The following BICC1 variants were observed in gnomAD, a reference collection of about 807,000 sequenced individuals.
BICC1 encodes the protein BicC family RNA binding protein 1, also known as protein bicaudal C homolog 1.
A neutral mutation model predicts 111.0 loss-of-function variants in BICC1; 43 were observed. The ratio of observed to expected loss-of-function variants is 0.39; its 90% CI spans 0.30 to 0.50. The LOEUF is 0.50. Among genes scored for constraint, BICC1 ranks in the 20% least tolerant of loss-of-function variants. BICC1 has a pLI of 0.88. For synonymous variants in BICC1, 467 were observed against 434.4 expected (o/e 1.07, Z -0.93); for missense variants, 1,091 against 1,203.2 (o/e 0.91, Z 1.38).
chr10:58,687,097 G>C (rs541569304), intron 2 of BICC1, among the ~76,000 whole-genome samples: 1 of 152,296 alleles, frequency 6.6e-6, no homozygotes, highest in Admixed American at 6.5e-5. Flanking sequence ...CTTACAGTCA[G>C]GACCCTCAGC....
chr10:58,739,524 T>G (rs1246742418), intron 3 of BICC1, among the ~76,000 whole-genome samples: 1 of 110,726 alleles, frequency 9.0e-6, no homozygotes, highest in African/African-American at 3.5e-5. Context: ...GGAGCTGATT[T>G]TATAAAACTT....
At position 58,798,521 on chromosome 10, in the gene BICC1, TTATGGG is replaced by T; in HGVS notation, c.1490_1495del (p.Leu497_Ala499delinsSer). 6.2e-7 allele frequency: 1 copy of T among 1,611,842 alleles called. No homozygotes were observed. Among genetic ancestry groups the T allele is most frequent in the Non-Finnish European group, 8.5e-7 (1 of 1,179,104 alleles). On this transcript the variant is annotated inframe_deletion, in exon 11 of 21. Coordinates refer to ENST00000373886, the MANE Select transcript of BICC1 (RefSeq NM_001080512.3). ...AAGTTCTGGTACACCCAGCCCCACA[TTATGGG>T]CACCCCCACTTGCTAATACTTCAAG...
At chr10:58,562,591 A>C (rs1297532676) in intron 1 of BICC1, among the ~76,000 whole-genome samples, 1 of 152,014 alleles carries the variant, frequency 6.6e-6, no homozygotes, top group Non-Finnish European at 1.5e-5. Context: ...ATCATTTTGA[A>C]TTCCTTTTCA....
intron 20 of BICC1, among the ~76,000 whole-genome samples, chr10:58,825,911 A>T (rs1844380587): frequency 6.6e-6 from 1 of 152,100 alleles, no homozygotes; most frequent in South Asian, 2.1e-4. Flanking sequence ...GAATTGCTTG[A>T]TATGTACCAC....
intron 3 of BICC1, among the ~76,000 whole-genome samples, chr10:58,750,853 T>C (rs1487330177): frequency 1.3e-5 from 2 of 152,158 alleles, no homozygotes; most frequent in Admixed American, 1.3e-4. Flanking sequence ...CTTTACTCTC[T>C]TGAAGCCACG....
intron 1 of BICC1, among the ~76,000 whole-genome samples, chr10:58,542,032 T>C (rs908435125): frequency 1.3e-5 from 2 of 151,418 alleles, no homozygotes; most frequent in Admixed American, 1.3e-4. Flanking sequence ...GTGCCTTTGG[T>C]CCTAGCTAAT....
intron 2 of BICC1, among the ~76,000 whole-genome samples, chr10:58,693,096 T>C (rs1329624063): frequency 6.6e-6 from 1 of 151,960 alleles, no homozygotes; most frequent in African/African-American, 2.4e-5. Context: ...CACCTATGAG[T>C]GAGAACATGC....
Position 58,793,615 on chromosome 10 carries a change from G to A in BICC1, c.1179G>A (p.Lys393=). ...AACCAAAGCCCAAACAGCCAAGCAA[G>A]GTTGGTTCAGAGTCTGAATCCAGAG... The part of the protein sequence containing the change: ...SIKPKPKQPS[K]SVIVKSVERN... Residue 393 remains lysine (K), a splice_region_variant and synonymous_variant, in exon 9 of 21, where the codon AAG becomes AAA. Transcript: ENST00000373886. 2 of 1,613,414 alleles carry A rather than the reference G, an allele frequency of 1.2e-6. No homozygotes were observed. Among genetic ancestry groups the A allele is most frequent in the Non-Finnish European group, 1.7e-6 (2 of 1,179,760 alleles).
At position 58,592,875 on chromosome 10, in the gene BICC1, CAAAAAA is replaced by C. The variant is rs969508229; in HGVS notation, c.191-27957_191-27952del. Among the ~76,000 whole-genome samples, 151 of 46,666 alleles carry C rather than the reference CAAAAAA, an allele frequency of 3.2e-3. 1 individual carries two copies. The highest frequency in any genetic ancestry group is 0.012 in the African/African-American group (146 of 11,888). 30.6% of individuals were successfully genotyped at this position (46,666 alleles called of 152,430 possible). A position where few individuals can be genotyped will look rare whatever the true frequency, so the allele number is the denominator to read the frequency against. On this transcript the variant is annotated intron_variant, in intron 1 of 20. Transcript: ENST00000373886. ...CTGGCCACAGAGCAAGACTCCGTCT[CAAAAAA>C]AAAAAAAAAAAAAAAAAAAAAATCC... is the stretch of plus-strand genomic sequence containing the variant.
At chr10:58,632,606 T>C (rs1837829273) in intron 2 of BICC1, among the ~76,000 whole-genome samples, 1 of 152,064 alleles carries the variant, frequency 6.6e-6, no homozygotes, top group Non-Finnish European at 1.5e-5. Context: ...GGAATTTAAC[T>C]AGTATGTTGG....
chr10:58,699,931 A>G (rs548008963), intron 2 of BICC1, among the ~76,000 whole-genome samples: 5 of 152,242 alleles, frequency 3.3e-5, no homozygotes, highest in South Asian at 2.1e-4. Flanking sequence ...GCCTCAAGCA[A>G]TCCTCCTGCC....
chr10:58,518,364 T>C (rs1842297338), intron 1 of BICC1, among the ~76,000 whole-genome samples: 1 of 152,096 alleles, frequency 6.6e-6, no homozygotes. Context: ...ATGGGGATAA[T>C]AATAGTCCTA....
chr10:58,730,462 A>C (rs1220785517), intron 3 of BICC1, among the ~76,000 whole-genome samples: 3 of 151,950 alleles, frequency 2.0e-5, no homozygotes, highest in South Asian at 2.1e-4. Context: ...TTACCCTTCC[A>C]AGGTTTGGAG....
intron 3 of BICC1, among the ~76,000 whole-genome samples, chr10:58,720,898 G>A (rs1303428189): frequency 1.3e-5 from 2 of 152,178 alleles, no homozygotes; most frequent in South Asian, 2.1e-4. Context: ...AAGGAATTGG[G>A]TGGTGGGCTG....
intron 1 of BICC1, among the ~76,000 whole-genome samples, chr10:58,515,232 T>C (rs186044023): frequency 1.6e-4 from 25 of 152,330 alleles, no homozygotes; most frequent in Admixed American, 1.6e-3. Context: ...AGTCTTAACA[T>C]CTCTTGAACA....
intron 1 of BICC1, among the ~76,000 whole-genome samples, chr10:58,523,489 G>A (rs1170002934): frequency 6.6e-6 from 1 of 152,142 alleles, no homozygotes; most frequent in African/African-American, 2.4e-5. Context: ...AAAGGCCTTT[G>A]ACAAAATTCA....
intron 2 of BICC1, among the ~76,000 whole-genome samples, chr10:58,688,997 C>T (rs2132401221): frequency 6.6e-6 from 1 of 152,246 alleles, no homozygotes; most frequent in South Asian, 2.1e-4. Context: ...CCTGCACATT[C>T]TGCACATGTA....
chr10:58,774,924 G>A lies in BICC1; in HGVS notation c.308-10077G>A, dbSNP rs147761470. Among the ~76,000 whole-genome samples, 100 of 152,216 alleles carry A rather than the reference G, an allele frequency of 6.6e-4. 1 individual carries two copies. The East Asian group carries it at 0.015, about 23-fold the overall frequency. ...TTAAAATTATTTTTAGGAGCTCTTT[G>A]TATGGGAAGAAATTTCAGAAGATCA... is the stretch of plus-strand genomic sequence containing the variant. On this transcript the variant is annotated intron_variant, in intron 3 of 20. Transcript: ENST00000373886.
Position 58,788,516 on chromosome 10 carries a change from G to A in BICC1, c.600+93G>A, listed in dbSNP as rs11812567. 400,782 of 849,698 alleles carry A rather than the reference G, an allele frequency of 0.47. 97,077 individuals carry two copies. The highest frequency in any genetic ancestry group is 0.61 in the Admixed American group (26,612 of 43,876). 52.6% of individuals were successfully genotyped at this position (849,698 alleles called of 1,614,324 possible). On this transcript the variant is annotated intron_variant, in intron 6 of 20. Transcript: ENST00000373886. ...TATAATAATTTATCATTTTATAACC[G>A]AATCATGTTCAATCAGTAGGAAATA...
Sources: allele counts gnomAD v4.1 joint callset (sites outside exome capture counted in the v4.1 genomes callset), GRCh38; gene constraint gnomAD v4.1.1; transcripts MANE v1.5; gene names NCBI Gene and HGNC (gene_info 2026-07-23, HGNC 2026-07-21).